The following PACRG variants were observed in gnomAD, a reference collection of about 807,000 sequenced individuals.
PACRG encodes the protein parkin coregulated gene protein.
A neutral mutation model predicts 29.7 loss-of-function variants in PACRG; 29 were observed. The observed-to-expected ratio is 0.98, with a 90% CI of 0.73 to 1.33. The LOEUF (loss-of-function observed/expected upper bound fraction) is 1.33. PACRG is among the 40% of genes most tolerant of loss of function. The probability of loss-of-function intolerance (pLI) is 0.00; values close to 1 mark genes in which losing one functional copy is unlikely to be tolerated. For synonymous variants in PACRG, 116 were observed against 118.7 expected (o/e 0.98, Z 0.15); for missense variants, 279 against 316.2 (o/e 0.88, Z 0.89).
chr6:163,191,071 CA>C (rs1200338910), intron 4 of PACRG: 3 of 420,268 alleles, frequency 7.1e-6, no homozygotes, highest in South Asian at 1.8e-5. Flanking sequence ...AACAAACAAA[CA>C]AAAAACCTGT....
At chr6:163,235,345 G>C (rs557078815) in intron 4 of PACRG, among the ~76,000 whole-genome samples, 3 of 152,220 alleles carry the variant, frequency 2.0e-5, no homozygotes, top group South Asian at 2.1e-4. Context: ...GGAGACACAG[G>C]CTCCATTAAA....
Position 162,777,566 on chromosome 6 carries a change from G to GT in PACRG, c.157-36575dup, listed in dbSNP as rs1783746888. Among the ~76,000 whole-genome samples the GT allele has an allele frequency of 6.6e-6, 1 of 152,094 alleles. No individual in the cohort carries two copies. The highest frequency in any genetic ancestry group is 1.9e-4 in the East Asian group (1 of 5,194). On this transcript the variant is annotated intron_variant, in intron 1 of 4. Coordinates refer to ENST00000366888, the MANE Select transcript of PACRG (RefSeq NM_001080379.2). This position sits in a 1 kb window ranked among gnomAD's most constrained non-coding sequence, Gnocchi z 4.0. ...TATTTATTGTTATTATTAATTATTA[G>GT]TTTTTTAATCACAGCCTCCTATCCT...
intron 2 of PACRG, among the ~76,000 whole-genome samples, chr6:162,921,236 G>A (rs1338288009): frequency 6.6e-6 from 1 of 152,088 alleles, no homozygotes; most frequent in Non-Finnish European, 1.5e-5. Flanking sequence ...GGGAAGAGGC[G>A]GCCGGATCCT....
intron 2 of PACRG, among the ~76,000 whole-genome samples, chr6:162,970,930 G>A (rs1801478564): frequency 6.6e-6 from 1 of 152,150 alleles, no homozygotes; most frequent in Non-Finnish European, 1.5e-5. Flanking sequence ...AGTGGCCATG[G>A]GTTGTGTAAA....
intron 3 of PACRG, among the ~76,000 whole-genome samples, chr6:163,086,623 G>A (rs373099674): frequency 6.6e-5 from 10 of 152,238 alleles, no homozygotes; most frequent in East Asian, 3.9e-4. Context: ...ACCCTAGTTC[G>A]TTGCTAGGGG....
intron 2 of PACRG, among the ~76,000 whole-genome samples, chr6:162,983,370 A>AT (rs79549878): frequency 2.6e-4 from 39 of 150,466 alleles, no homozygotes; most frequent in Admixed American, 4.7e-4. Flanking sequence ...TAAATACCTT[A>AT]TTTTTTTTTC....
At chr6:163,042,265 G>C (rs977199306) in intron 2 of PACRG, among the ~76,000 whole-genome samples, 1 of 152,202 alleles carries the variant, frequency 6.6e-6, no homozygotes, top group African/African-American at 2.4e-5. Flanking sequence ...AGAGAGCCAG[G>C]AGCAAGGGGA....
chr6:163,277,853 A>G (rs114126037), intron 4 of PACRG, among the ~76,000 whole-genome samples: 1,694 of 152,074 alleles, frequency 0.011, 34 homozygotes, highest in African/African-American at 0.039. Flanking sequence ...TAGGTACCTA[A>G]TAGTGGGATT....
At chr6:163,237,610 CTT>C (rs1209913138) in intron 4 of PACRG, among the ~76,000 whole-genome samples, 1 of 152,150 alleles carries the variant, frequency 6.6e-6, no homozygotes, top group Non-Finnish European at 1.5e-5. Flanking sequence ...GGAGTTGTCT[CTT>C]TGTCACCCCA....
Position 162,842,847 on chromosome 6 carries a change from C to T in PACRG, c.291+28566C>T, listed in dbSNP as rs1385733408. Among the ~76,000 whole-genome samples the T allele has an allele frequency of 1.1e-4, 13 of 115,280 alleles. 1 individual carries two copies. Among genetic ancestry groups the T allele is most frequent in the African/African-American group, 4.3e-4 (11 of 25,754 alleles). 75.6% of individuals were successfully genotyped at this position (115,280 alleles called of 152,430 possible). A position where few individuals can be genotyped will look rare whatever the true frequency, so the allele number is the denominator to read the frequency against. ...TCTGTAAAGTATTTTATTTCTCCTT[C>T]ACTTATGAAGCTTAGTTTGGCTGGA... On this transcript the variant is annotated intron_variant, in intron 2 of 4. Transcript: ENST00000366888.
At chr6:162,834,932 C>G (rs149295322) in intron 2 of PACRG, among the ~76,000 whole-genome samples, 7 of 151,912 alleles carry the variant, frequency 4.6e-5, no homozygotes, top group Non-Finnish European at 8.8e-5. Flanking sequence ...ATTAAATCCC[C>G]TTTATTTTGG....
Position 162,844,492 on chromosome 6 carries a change from T to G in PACRG, c.291+30211T>G, listed in dbSNP as rs747850053. Reference sequence around the variant, plus strand: ...GCGCACCCACTGACCTGTGCCCACTTTCTGGCACTCCCTAGTGAGATGAAC... The same window carrying G: ...GCGCACCCACTGACCTGTGCCCACTGTCTGGCACTCCCTAGTGAGATGAAC... On this transcript the variant is annotated intron_variant, in intron 2 of 4. Transcript: ENST00000366888. 4.8e-3 allele frequency among the ~76,000 whole-genome samples: 735 copies of G among 152,196 alleles called. 2 individuals are homozygous for G. The highest frequency in any genetic ancestry group is 7.5e-3 in the Non-Finnish European group (510 of 67,932).
At chr6:163,234,827 G>C (rs1782172409) in intron 4 of PACRG, among the ~76,000 whole-genome samples, 2 of 152,166 alleles carry the variant, frequency 1.3e-5, no homozygotes, top group South Asian at 4.1e-4. Flanking sequence ...TTTTCATATA[G>C]AGGTAAAACA....
chr6:162,751,435 A>C (rs1781507048), intron 1 of PACRG, among the ~76,000 whole-genome samples: 1 of 152,144 alleles, frequency 6.6e-6, no homozygotes, highest in Non-Finnish European at 1.5e-5. Flanking sequence ...ATTCAGTTCA[A>C]CTGATGTAAT....
chr6:162,966,478 T>TTG (rs1491434590), intron 2 of PACRG, among the ~76,000 whole-genome samples: 5 of 914 alleles, frequency 5.5e-3, no homozygotes, highest in African/African-American at 8.7e-3. Context: ...ATGACATGTA[T>TTG]TTTTTTTTTT....
At chr6:163,143,378 T>C (rs921399884) in intron 4 of PACRG, among the ~76,000 whole-genome samples, 2 of 152,218 alleles carry the variant, frequency 1.3e-5, no homozygotes, top group South Asian at 4.1e-4. Context: ...AAGTAGAGGT[T>C]TTATTTCACA....
chr6:162,747,362 A>C (rs1322629668), intron 1 of PACRG, among the ~76,000 whole-genome samples: 1 of 55,138 alleles, frequency 1.8e-5, no homozygotes, highest in Non-Finnish European at 3.0e-5. Flanking sequence ...ATATATATAT[A>C]TACACATACA....
chr6:163,143,755 G>A (rs575755430), intron 4 of PACRG, among the ~76,000 whole-genome samples: 59 of 151,876 alleles, frequency 3.9e-4, no homozygotes, highest in African/African-American at 1.4e-3. Context: ...AGGAGGTGAG[G>A]CAGAGAGAAG....
intron 4 of PACRG, among the ~76,000 whole-genome samples, chr6:163,252,051 C>T (rs773124826): frequency 3.9e-4 from 59 of 152,220 alleles, no homozygotes; most frequent in Non-Finnish European, 7.6e-4. Flanking sequence ...TAAATCCTCC[C>T]GAGCTGTCTG....
Sources: gnomAD v4.1 joint callset for allele counts (sites outside exome capture counted in the v4.1 genomes callset) on GRCh38, gnomAD v4.1.1 for gene constraint, Gnocchi (gnomAD v3.1) non-coding constraint, MANE v1.5 for transcripts, NCBI Gene and HGNC (gene_info 2026-07-23, HGNC 2026-07-21) for gene names.